Variants in CSTPP1 observed in about 807,000 individuals in gnomAD.
The protein encoded by CSTPP1 is centriolar satellite-associated tubulin polyglutamylase complex regulator 1.
the CSTPP1 span, among the ~76,000 whole-genome samples, chr11:47,019,913 C>T: frequency 6.6e-6 from 1 of 152,064 alleles, no homozygotes; most frequent in African/African-American, 2.4e-5. Context: ...CAAGGTATGC[C>T]TGTAAATGGT....
chr11:46,979,042 A>C, the CSTPP1 span, among the ~76,000 whole-genome samples: 7 of 152,246 alleles, frequency 4.6e-5, no homozygotes, highest in Admixed American at 4.6e-4. Context: ...ATTCATAGTT[A>C]AATTGCATAT....
the CSTPP1 span, among the ~76,000 whole-genome samples, chr11:46,963,911 G>T: frequency 6.6e-6 from 1 of 151,780 alleles, no homozygotes; most frequent in Non-Finnish European, 1.5e-5. Flanking sequence ...TGGAAATTTA[G>T]AAAAGATAAC....
chr11:46,978,464 T>A, the CSTPP1 span, among the ~76,000 whole-genome samples: 53 of 152,338 alleles, frequency 3.5e-4, no homozygotes, highest in Admixed American at 3.0e-3. Flanking sequence ...AGTATGTTTT[T>A]ATAGGGTACT....
chr11:47,090,193 C>T, the CSTPP1 span, among the ~76,000 whole-genome samples: 22 of 152,148 alleles, frequency 1.4e-4, no homozygotes, highest in African/African-American at 5.3e-4. Flanking sequence ...CCACGTTGCT[C>T]AGGCTGGTCT....
chr11:47,154,026 G>A, the CSTPP1 span, among the ~76,000 whole-genome samples: 3 of 151,738 alleles, frequency 2.0e-5, no homozygotes, highest in African/African-American at 7.3e-5. Context: ...TGCAACCTCC[G>A]CCTCCCAGGT....
the CSTPP1 span, among the ~76,000 whole-genome samples, chr11:47,068,309 A>G: frequency 2.6e-5 from 4 of 152,180 alleles, no homozygotes; most frequent in Admixed American, 1.3e-4. Context: ...AGGTGGGCAG[A>G]TCATTTGAGG....
At chr11:47,077,225 G>A in the CSTPP1 span, among the ~76,000 whole-genome samples, 1 of 145,232 alleles carries the variant, frequency 6.9e-6, no homozygotes, top group Admixed American at 6.9e-5. Flanking sequence ...TTTAGACAGA[G>A]TCTTGCTCTT....
the CSTPP1 span, among the ~76,000 whole-genome samples, chr11:46,950,706 G>A: frequency 9.7e-4 from 147 of 151,800 alleles, no homozygotes; most frequent in African/African-American, 3.4e-3. Context: ...CCACCTCCCG[G>A]GTTCAAGCAA....
At chr11:47,109,484 C>T in the CSTPP1 span, among the ~76,000 whole-genome samples, 1 of 152,184 alleles carries the variant, frequency 6.6e-6, no homozygotes, top group African/African-American at 2.4e-5. Context: ...TAAAAATGTT[C>T]TGCTCACTCC....
the CSTPP1 span, among the ~76,000 whole-genome samples, chr11:47,046,660 C>CTTTTTTTTTT: frequency 2.1e-3 from 170 of 79,754 alleles, 1 homozygote; most frequent in Non-Finnish European, 2.5e-3. Flanking sequence ...ATCTTCTTTT[C>CTTTTTTTTTT]TTTTTTTTTT....
chr11:46,959,378 G>T, the CSTPP1 span, among the ~76,000 whole-genome samples: 328 of 152,096 alleles, frequency 2.2e-3, 1 homozygote, highest in Admixed American at 3.7e-3. Flanking sequence ...CCTGTTTTTA[G>T]TAGGGCACCT....
the CSTPP1 span, among the ~76,000 whole-genome samples, chr11:47,070,673 C>T: frequency 2.6e-5 from 4 of 152,070 alleles, no homozygotes; most frequent in Non-Finnish European, 5.9e-5. Context: ...TGGTTGGGAC[C>T]CAGGCATTTT....
chr11:47,162,831 C>T, the CSTPP1 span, among the ~76,000 whole-genome samples: 1 of 152,136 alleles, frequency 6.6e-6, no homozygotes, highest in Admixed American at 6.5e-5. Flanking sequence ...CGGATCATTA[C>T]AGGAACTGCC....
the CSTPP1 span, among the ~76,000 whole-genome samples, chr11:47,074,161 G>A: frequency 1.3e-4 from 20 of 152,166 alleles, no homozygotes; most frequent in African/African-American, 3.6e-4. Flanking sequence ...CTGAGATTGC[G>A]CCACTGCACT....
the CSTPP1 span, among the ~76,000 whole-genome samples, chr11:47,035,589 T>C: frequency 6.6e-6 from 1 of 152,224 alleles, no homozygotes; most frequent in Admixed American, 6.5e-5. Flanking sequence ...TATACAGTTA[T>C]GATTTAATAC....
At chr11:47,035,660 T>A in the CSTPP1 span, among the ~76,000 whole-genome samples, 1 of 152,320 alleles carries the variant, frequency 6.6e-6, no homozygotes, top group East Asian at 1.9e-4. Context: ...TGTGTGTGTG[T>A]CAGTTTTGCT....
the CSTPP1 span, among the ~76,000 whole-genome samples, chr11:46,961,322 T>C: frequency 6.6e-6 from 1 of 152,232 alleles, no homozygotes; most frequent in Non-Finnish European, 1.5e-5. Flanking sequence ...TGATTAATGA[T>C]GTTGAGTGTC....
the CSTPP1 span, among the ~76,000 whole-genome samples, chr11:47,140,969 C>T: frequency 1.4e-3 from 208 of 151,920 alleles, no homozygotes; most frequent in Non-Finnish European, 1.0e-3. Context: ...GGCGTGTTGG[C>T]GGGTGCCTGT....
At chr11:47,038,809 C>T in the CSTPP1 span, among the ~76,000 whole-genome samples, 2 of 120,468 alleles carry the variant, frequency 1.7e-5, 1 homozygote, top group Non-Finnish European at 4.0e-5. Context: ...GGCGGAGGGG[C>T]TCCTCACTTC....
Sources: gnomAD v4.1 joint callset for allele counts (sites outside exome capture counted in the v4.1 genomes callset) on GRCh38, gnomAD v4.1.1 for gene constraint, MANE v1.5 for transcripts, NCBI Gene and HGNC (gene_info 2026-07-23, HGNC 2026-07-21) for gene names.